Variants in WWOX observed in about 807,000 individuals in gnomAD.
The protein encoded by WWOX is WW domain-containing oxidoreductase.
WWOX carries 69 observed loss-of-function variants against 46.2 expected under a neutral mutation model. The ratio of observed to expected loss-of-function variants is 1.49; its 90% CI spans 1.23 to 1.82. The LOEUF is 1.82. WWOX is among the 40% of genes most tolerant of loss of function. WWOX has a pLI of 0.00. For missense variants in WWOX, 919 were observed against 542.6 expected (o/e 1.69, Z -6.89); for synonymous variants, 359 against 202.6 (o/e 1.77, Z -6.56).
chr16:78,218,432 G>A (rs775028301), intron 5 of WWOX, among the ~76,000 whole-genome samples: 1 of 152,094 alleles, frequency 6.6e-6, no homozygotes, highest in Non-Finnish European at 1.5e-5. Context: ...GTAAATGTGT[G>A]TATGATGTAA....
At chr16:79,130,480 GAGA>G (rs1417261544) in intron 8 of WWOX, among the ~76,000 whole-genome samples, 1 of 152,168 alleles carries the variant, frequency 6.6e-6, no homozygotes, top group African/African-American at 2.4e-5. Flanking sequence ...AGGCCTCAGA[GAGA>G]AGATGTCCTT....
chr16:79,148,790 A>C (rs200951378), intron 8 of WWOX, among the ~76,000 whole-genome samples: 2 of 131,776 alleles, frequency 1.5e-5, no homozygotes, highest in Admixed American at 1.5e-4. Flanking sequence ...AGCGATTGTA[A>C]ATGGCATTGT....
rs1246802316 is a variant in WWOX at position 78,348,726 on chromosome 16, A to G, written c.517-38134A>G. ...ACCCGCCTCTGCCTCCCAAAGTGCT[A>G]GGATTACAGGTGTCAGCCACAGTGC... On this transcript the variant is annotated intron_variant, in intron 5 of 8. Coordinates refer to ENST00000566780, the MANE Select transcript of WWOX (RefSeq NM_016373.4). Among the ~76,000 whole-genome samples the G allele has an allele frequency of 5.0e-5, 6 of 121,168 alleles. 2 individuals carry two copies. The highest frequency in any genetic ancestry group is 1.7e-4 in the African/African-American group (6 of 35,748). The allele number at this position is 121,168 out of a possible 152,430, so 79.5% of individuals were successfully genotyped here. A position where few individuals can be genotyped will look rare whatever the true frequency, so the allele number is the denominator to read the frequency against.
chr16:78,730,134 G>T (rs2048934426), intron 8 of WWOX, among the ~76,000 whole-genome samples: 1 of 152,078 alleles, frequency 6.6e-6, no homozygotes, highest in Non-Finnish European at 1.5e-5. Flanking sequence ...TAGCTTTAGG[G>T]AATGAAACTA....
intron 4 of WWOX, among the ~76,000 whole-genome samples, chr16:78,116,636 A>G (rs1211120803): frequency 6.6e-6 from 1 of 152,212 alleles, no homozygotes; most frequent in East Asian, 1.9e-4. Context: ...AATATTTAAA[A>G]CAATGGCTGG....
chr16:78,164,657 T>G (rs188106849), intron 5 of WWOX, among the ~76,000 whole-genome samples: 27 of 152,330 alleles, frequency 1.8e-4, no homozygotes, highest in African/African-American at 6.3e-4. Context: ...TATCTCTAAT[T>G]TCTTACTTTT....
intron 5 of WWOX, among the ~76,000 whole-genome samples, chr16:78,197,092 C>T (rs573284147): frequency 1.3e-5 from 2 of 152,300 alleles, no homozygotes; most frequent in South Asian, 4.2e-4. Flanking sequence ...CTCGTATCAG[C>T]CACTTGACCT....
intron 8 of WWOX, chr16:78,892,223 A>G (rs1384704960): frequency 6.6e-6 from 1 of 152,184 alleles, no homozygotes; most frequent in Non-Finnish European, 1.5e-5. Context: ...AGAGGAAGTC[A>G]ACCATTAGCA....
intron 8 of WWOX, among the ~76,000 whole-genome samples, chr16:79,112,024 A>G (rs960989571): frequency 1.3e-5 from 2 of 151,778 alleles, no homozygotes; most frequent in Non-Finnish European, 2.9e-5. Context: ...TATCCCAACA[A>G]ACTCCCCAGC....
At chr16:78,872,273 C>A (rs959445496) in intron 8 of WWOX, among the ~76,000 whole-genome samples, 26 of 152,120 alleles carry the variant, frequency 1.7e-4, no homozygotes, top group African/African-American at 6.3e-4. Flanking sequence ...CTTAATTTCT[C>A]CAAGTCTCAG....
intron 8 of WWOX, among the ~76,000 whole-genome samples, chr16:78,867,575 C>T (rs887000444): frequency 6.6e-6 from 1 of 151,556 alleles, no homozygotes; most frequent in Admixed American, 6.6e-5. Context: ...GAGCTTTGCT[C>T]TTTCACCCAG....
intron 8 of WWOX, among the ~76,000 whole-genome samples, chr16:79,015,154 TCTC>T (rs1254883028): frequency 2.6e-5 from 4 of 152,140 alleles, no homozygotes; most frequent in Admixed American, 2.0e-4. Flanking sequence ...TTGGAGTACT[TCTC>T]CTGAGTTTCT....
intron 6 of WWOX, among the ~76,000 whole-genome samples, chr16:78,397,417 T>C (rs551151921): frequency 2.6e-5 from 4 of 152,224 alleles, no homozygotes; most frequent in Admixed American, 1.3e-4. Flanking sequence ...AGAATGGCAG[T>C]GTTTAATGGT....
intron 8 of WWOX, among the ~76,000 whole-genome samples, chr16:79,038,994 C>T (rs1325112759): frequency 1.3e-5 from 2 of 151,834 alleles, no homozygotes; most frequent in African/African-American, 2.4e-5. Context: ...TAATGTCTGC[C>T]ACAAATGGGA....
intron 8 of WWOX, among the ~76,000 whole-genome samples, chr16:78,464,236 G>C (rs1242837583): frequency 6.6e-6 from 1 of 151,968 alleles, no homozygotes; most frequent in African/African-American, 2.4e-5. Flanking sequence ...GGAAGGAAGA[G>C]AGGGAGAGAC....
At chr16:78,502,802 C>A (rs2085102578) in intron 8 of WWOX, among the ~76,000 whole-genome samples, 1 of 152,088 alleles carries the variant, frequency 6.6e-6, no homozygotes, top group Non-Finnish European at 1.5e-5. Context: ...GGCTGGGATA[C>A]GTTGGTGATT....
chr16:78,370,778 CT>C (rs1158363083), intron 5 of WWOX, among the ~76,000 whole-genome samples: 7 of 39,086 alleles, frequency 1.8e-4, no homozygotes, highest in East Asian at 1.2e-3. Context: ...AACTTTTTTT[CT>C]TTTTTTTTTG....
intron 6 of WWOX, among the ~76,000 whole-genome samples, chr16:78,398,912 T>A (rs2082349380): frequency 6.6e-6 from 1 of 152,200 alleles, no homozygotes; most frequent in African/African-American, 2.4e-5. Flanking sequence ...TTTGCAATTA[T>A]TACATTTACT....
intron 5 of WWOX, among the ~76,000 whole-genome samples, chr16:78,330,251 G>C (rs2151891487): frequency 6.6e-6 from 1 of 152,200 alleles, no homozygotes; most frequent in East Asian, 1.9e-4. Context: ...TAATGCCACT[G>C]AATTGTTCAC....
Sources: gnomAD v4.1 joint callset for allele counts (sites outside exome capture counted in the v4.1 genomes callset) on GRCh38, gnomAD v4.1.1 for gene constraint, MANE v1.5 for transcripts, NCBI Gene and HGNC (gene_info 2026-07-23, HGNC 2026-07-21) for gene names.